NBEA: variants seen among roughly 807,000 people sequenced by gnomAD.
The protein encoded by NBEA is neurobeachin.
NBEA carries 44 observed loss-of-function variants against 343.4 expected under a neutral mutation model. That is an observed-to-expected ratio of 0.13 (90% CI 0.10 to 0.16). The LOEUF (loss-of-function observed/expected upper bound fraction) is 0.16, where lower values mean the gene tolerates loss of function less well. NBEA is among the 10% of genes least tolerant of loss of function. The probability of loss-of-function intolerance (pLI) is 1.00; values close to 1 mark genes in which losing one functional copy is unlikely to be tolerated. For synonymous variants in NBEA, 1,175 were observed against 1,238.7 expected, an observed-to-expected ratio of 0.95 and a Z score of 1.08; for missense variants, 2,555 against 3,631.3, an observed-to-expected ratio of 0.70 and a Z score of 7.62.
chr13:35,436,246 A>G (rs1002213004), intron 39 of NBEA, among the ~76,000 whole-genome samples: 1 of 152,242 alleles, frequency 6.6e-6, no homozygotes, highest in Non-Finnish European at 1.5e-5. Context: ...GGCATTGTAT[A>G]GACTAACATC....
In NBEA at chr13:34,943,357, GCTT is replaced by G. The variant is rs573245370; in HGVS notation, c.294+249_294+251del. The stretch of plus-strand genomic sequence containing the variant: ...TGAGCGCAGTGCCCAACTTAACACC[GCTT>G]CTTCTCACTTTTTAGGACCGCGAGT... On this transcript the variant is annotated intron_variant, in intron 1 of 58. Coordinates refer to ENST00000379939, the MANE Select transcript of NBEA (RefSeq NM_001385012.1). 4.6e-4 allele frequency among the ~76,000 whole-genome samples: 70 copies of G among 152,128 alleles called. 1 individual carries two copies. In the South Asian group the frequency reaches 5.8e-3, roughly 13 times the overall value.
At chr13:35,631,838 C>T (rs2083468366) in intron 49 of NBEA, among the ~76,000 whole-genome samples, 1 of 152,102 alleles carries the variant, frequency 6.6e-6, no homozygotes, top group African/African-American at 2.4e-5. Flanking sequence ...TAATTTTCTT[C>T]TCTATGTCAG....
chr13:34,961,438 A>G (rs1464858173), intron 1 of NBEA, among the ~76,000 whole-genome samples: 2 of 152,056 alleles, frequency 1.3e-5, no homozygotes, highest in Non-Finnish European at 2.9e-5. Flanking sequence ...CAGATGATCT[A>G]TTCTTTTGCT....
intron 36 of NBEA, among the ~76,000 whole-genome samples, chr13:35,311,001 T>G (rs907866817): frequency 1.4e-4 from 21 of 152,200 alleles, no homozygotes; most frequent in Non-Finnish European, 2.8e-4. Context: ...ATATTTCTCA[T>G]TTTGATATTT....
In NBEA at chr13:35,021,058, G is replaced by A. The variant is rs188157980; in HGVS notation, c.295-19875G>A. Among the ~76,000 whole-genome samples, 374 of 151,856 alleles carry A rather than the reference G, an allele frequency of 2.5e-3. 1 individual carries two copies. The highest frequency in any genetic ancestry group is 8.7e-3 in the African/African-American group (361 of 41,396). ...TCATATGAGAAGCATCCCTTCTTCC[G>A]GTTACTGTTCTTTTTATAAAGTCTA... On this transcript the variant is annotated intron_variant, in intron 1 of 58. Coordinates refer to ENST00000379939, the MANE Select transcript of NBEA (RefSeq NM_001385012.1).
chr13:35,669,050 T>G (rs1017833317), intron 58 of NBEA, among the ~76,000 whole-genome samples: 1 of 152,198 alleles, frequency 6.6e-6, no homozygotes, highest in Non-Finnish European at 1.5e-5. Context: ...GTTATTTTGT[T>G]TTATTGTATG....
At chr13:35,613,608 TTTTG>T (rs139946725) in intron 48 of NBEA, among the ~76,000 whole-genome samples, 34,917 of 150,812 alleles carry the variant, frequency 0.23, 4,320 homozygotes, top group East Asian at 0.34. Context: ...TTTTAGTTGT[TTTTG>T]TTTGTTTGTT....
intron 38 of NBEA, among the ~76,000 whole-genome samples, chr13:35,429,227 G>A (rs1418041373): frequency 2.0e-5 from 3 of 152,154 alleles, no homozygotes; most frequent in African/African-American, 7.2e-5. Context: ...CCTGGCTGTC[G>A]ACTTGGTGTT....
At position 35,646,450 on chromosome 13, in the gene NBEA, C is replaced by A; in HGVS notation, c.7770+102C>A. The A allele has an allele frequency of 3.6e-6, 3 of 828,596 alleles. No homozygotes were observed. In the South Asian group the frequency reaches 4.7e-5, roughly 13 times the overall value. The allele number at this position is 828,596 out of a possible 1,614,324, so 51.3% of individuals were successfully genotyped here. ...TAACAGCATATTTTAAAAGGCTTCT[C>A]GATTTATTGGTTAACTCTTCAGCCT... On this transcript the variant is annotated intron_variant, in intron 51 of 58. Transcript: ENST00000379939.
intron 41 of NBEA, among the ~76,000 whole-genome samples, chr13:35,523,192 C>T (rs1013384914): frequency 6.6e-6 from 1 of 152,084 alleles, no homozygotes; most frequent in Admixed American, 6.5e-5. Context: ...ACCTTTCCAT[C>T]CACTATTTAA....
At chr13:35,475,467 C>T (rs577985182) in intron 41 of NBEA, 6 of 1,612,596 alleles carry the variant, frequency 3.7e-6, no homozygotes, top group Admixed American at 1.7e-5. Context: ...CGCTCTCCGC[C>T]GAGCTCTGCT....
At chr13:35,590,355 A>T (rs182585737) in intron 46 of NBEA, among the ~76,000 whole-genome samples, 127 of 152,252 alleles carry the variant, frequency 8.3e-4, no homozygotes, top group African/African-American at 2.9e-3. Flanking sequence ...ATATGTCAGT[A>T]ATGTAATATG....
intron 17 of NBEA, among the ~76,000 whole-genome samples, chr13:35,134,695 A>G (rs921290488): frequency 1.3e-5 from 2 of 152,048 alleles, no homozygotes; most frequent in African/African-American, 4.8e-5. Context: ...ATTAAAGTAC[A>G]ATAAAGTAAA....
intron 10 of NBEA, 180 bp downstream of exon 10, chr13:35,071,032 A>G (rs1208730324): frequency 3.9e-6 from 2 of 506,998 alleles, no homozygotes; most frequent in East Asian, 3.6e-5. Context: ...AAACGCTGAC[A>G]TTTAGGTTGT....
chr13:35,378,380 A>G (rs1261263021), intron 38 of NBEA, among the ~76,000 whole-genome samples: 1 of 152,200 alleles, frequency 6.6e-6, no homozygotes, highest in Non-Finnish European at 1.5e-5. Flanking sequence ...AAAATAAAAT[A>G]GGTCATTCAA....
intron 41 of NBEA, among the ~76,000 whole-genome samples, chr13:35,541,761 T>A (rs1465928329): frequency 1.3e-5 from 2 of 149,096 alleles, no homozygotes; most frequent in Non-Finnish European, 3.0e-5. Context: ...TGTGTGTGTG[T>A]ATGTGTTTGT....
chr13:35,217,823 T>A (rs554871333), intron 33 of NBEA, among the ~76,000 whole-genome samples: 1 of 152,204 alleles, frequency 6.6e-6, no homozygotes, highest in South Asian at 2.1e-4. Flanking sequence ...CTCTCAGTGA[T>A]GTTTGTGTTG....
At chr13:35,188,009 C>T (rs1045169831) in intron 30 of NBEA, among the ~76,000 whole-genome samples, 1 of 152,040 alleles carries the variant, frequency 6.6e-6, no homozygotes, top group Admixed American at 6.6e-5. Context: ...TTCCCTTACT[C>T]CTGTAACTGA....
At chr13:35,245,178 A>G (rs1035100156) in intron 34 of NBEA, among the ~76,000 whole-genome samples, 1 of 151,982 alleles carries the variant, frequency 6.6e-6, no homozygotes, top group African/African-American at 2.4e-5. Flanking sequence ...CCTTAATTTT[A>G]TGTGAATCCT....
Sources: allele counts gnomAD v4.1 joint callset (sites outside exome capture counted in the v4.1 genomes callset), GRCh38; gene constraint gnomAD v4.1.1; transcripts MANE v1.5; gene names NCBI Gene and HGNC (gene_info 2026-07-23, HGNC 2026-07-21).